SIL1: variants seen among roughly 807,000 people sequenced by gnomAD.
SIL1 encodes SIL1 nucleotide exchange factor, also known as nucleotide exchange factor SIL1.
Under a neutral mutation model 49.1 loss-of-function variants are expected in SIL1, and 40 were observed. The observed-to-expected ratio is 0.81, with a 90% CI of 0.63 to 1.06. SIL1 has a LOEUF of 1.06. SIL1 is among the 50% of genes least tolerant of loss of function. The probability of loss-of-function intolerance (pLI) is 0.00; values close to 1 mark genes in which losing one functional copy is unlikely to be tolerated. For synonymous variants in SIL1, 253 were observed against 250.8 expected, an observed-to-expected ratio of 1.01 and a Z score of -0.08; for missense variants, 500 against 572.6, an observed-to-expected ratio of 0.87 and a Z score of 1.29.
intron 1 of SIL1, among the ~76,000 whole-genome samples, chr5:139,153,673 T>C (rs768443481): frequency 6.6e-6 from 1 of 152,156 alleles, no homozygotes; most frequent in Non-Finnish European, 1.5e-5. Flanking sequence ...TGTTGCAGCA[T>C]TTGCTATCTG....
chr5:138,972,361 G>A (rs1412212964), intron 7 of SIL1, among the ~76,000 whole-genome samples: 1 of 152,198 alleles, frequency 6.6e-6, no homozygotes, highest in Non-Finnish European at 1.5e-5. Context: ...AGCCATGCCT[G>A]GTACTCACAG....
intron 1 of SIL1, among the ~76,000 whole-genome samples, chr5:139,193,730 G>A (rs577963498): frequency 6.6e-6 from 1 of 152,258 alleles, no homozygotes; most frequent in Non-Finnish European, 1.5e-5. Flanking sequence ...TCATGGGTAG[G>A]GTAACTAACT....
At chr5:139,160,921 T>TAAAAAGCA (rs1223122915) in intron 1 of SIL1, among the ~76,000 whole-genome samples, 3 of 152,020 alleles carry the variant, frequency 2.0e-5, no homozygotes, top group Non-Finnish European at 4.4e-5. Context: ...GGATAGGGGA[T>TAAAAAGCA]AGTCAGTAAC....
intron 9 of SIL1, among the ~76,000 whole-genome samples, chr5:138,950,181 C>A (rs1442162618): frequency 6.6e-6 from 1 of 152,220 alleles, no homozygotes; most frequent in Non-Finnish European, 1.5e-5. Flanking sequence ...GCCCAGTTTC[C>A]CTGGGAAATG....
chr5:139,086,812 T>C (rs571330771), intron 3 of SIL1, among the ~76,000 whole-genome samples: 151 of 151,626 alleles, frequency 1.0e-3, no homozygotes, highest in Admixed American at 1.9e-3. Context: ...ATACAAAAAT[T>C]AGCTGGGCCT....
intron 1 of SIL1, among the ~76,000 whole-genome samples, chr5:139,159,587 C>G (rs541682080): frequency 1.3e-5 from 2 of 152,168 alleles, no homozygotes; most frequent in Admixed American, 6.5e-5. Context: ...CTAATTGTAC[C>G]TCTTTCAAAG....
chr5:138,957,718 A>C (rs1401445288), intron 7 of SIL1, among the ~76,000 whole-genome samples: 1 of 152,144 alleles, frequency 6.6e-6, no homozygotes, highest in Non-Finnish European at 1.5e-5. Flanking sequence ...TTCTTTTTTA[A>C]AATATTTGAG....
At chr5:139,003,460 C>G (rs975565133) in intron 7 of SIL1, among the ~76,000 whole-genome samples, 2 of 152,186 alleles carry the variant, frequency 1.3e-5, no homozygotes, top group Non-Finnish European at 2.9e-5. Flanking sequence ...AGACTCCCAC[C>G]TTTCACACCA....
intron 3 of SIL1, among the ~76,000 whole-genome samples, chr5:139,109,804 C>T (rs1429384610): frequency 6.7e-6 from 1 of 148,744 alleles, no homozygotes; most frequent in Non-Finnish European, 1.5e-5. Flanking sequence ...TTTGGTAAAC[C>T]CCTTCCATTC....
At chr5:139,129,384 A>G (rs1450735219) in intron 1 of SIL1, among the ~76,000 whole-genome samples, 1 of 152,146 alleles carries the variant, frequency 6.6e-6, no homozygotes, top group Non-Finnish European at 1.5e-5. Flanking sequence ...GATATCCACA[A>G]GTGTAAGAGT....
chr5:138,951,122 A>G, intron 9 of SIL1, 49 bp downstream of exon 9: 1 of 1,590,368 alleles, frequency 6.3e-7, no homozygotes, highest in Non-Finnish European at 8.6e-7. Context: ...TCCACCCAGA[A>G]GCACACACAA....
At chr5:139,169,817 T>TCCCTCTC (rs200374271) in intron 1 of SIL1, among the ~76,000 whole-genome samples, 5 of 123,464 alleles carry the variant, frequency 4.0e-5, no homozygotes, top group Admixed American at 8.1e-5. Context: ...AAAGCTCTAC[T>TCCCTCTC]CCCTCTCCCC....
rs764919628 is a variant in SIL1, at chr5:139,042,638, C to G, written c.435G>C (p.Glu145Asp). The change falls in exon 5 of 10, where the codon GAG (glutamate) becomes GAC (aspartate). Residue 145 changes from glutamate to aspartate, a missense_variant. By Grantham distance (45) the Glu-to-Asp change is conservative. Coordinates refer to ENST00000394817, the MANE Select transcript of SIL1 (RefSeq NM_022464.5). Reference protein sequence around the residue: ...LAKFKEGAEMESSKEDKARQA... With the variant: ...LAKFKEGAEMDSSKEDKARQA... ...CACACACCTTGTCTTCCTTTGAACT[C>G]TCCATCTCTGCCCCCTCCTTGAATT... 26 of 1,614,066 alleles carry G rather than the reference C, an allele frequency of 1.6e-5. No individual in the cohort carries two copies. The highest frequency in any genetic ancestry group is 2.0e-5 in the Non-Finnish European group (24 of 1,180,034).
intron 3 of SIL1, among the ~76,000 whole-genome samples, chr5:139,104,197 G>A (rs1457586984): frequency 1.3e-5 from 2 of 152,198 alleles, no homozygotes; most frequent in South Asian, 2.1e-4. Flanking sequence ...ACGGCAGCAC[G>A]TGGCTCAGAG....
chr5:139,148,766 C>T (rs1751239850), intron 1 of SIL1, among the ~76,000 whole-genome samples: 1 of 152,232 alleles, frequency 6.6e-6, no homozygotes, highest in Admixed American at 6.5e-5. Flanking sequence ...AGTTTCCTTA[C>T]AGAACTACCA....
At chr5:138,963,106 A>G (rs923416789) in intron 7 of SIL1, among the ~76,000 whole-genome samples, 13 of 152,214 alleles carry the variant, frequency 8.5e-5, no homozygotes, top group African/African-American at 3.1e-4. Context: ...TAGGTCTTCT[A>G]TACTCAGTTG....
intron 2 of SIL1, among the ~76,000 whole-genome samples, chr5:139,126,192 G>C (rs1008378345): frequency 2.0e-5 from 3 of 152,228 alleles, no homozygotes; most frequent in Non-Finnish European, 4.4e-5. Flanking sequence ...CATGATGAAA[G>C]ATTATGACAA....
At chr5:139,197,436 C>T (rs932296498) in intron 1 of SIL1, among the ~76,000 whole-genome samples, 1 of 152,154 alleles carries the variant, frequency 6.6e-6, no homozygotes, top group Non-Finnish European at 1.5e-5. Context: ...GGAAAGCCAA[C>T]TGAACTTTAA....
intron 3 of SIL1, among the ~76,000 whole-genome samples, chr5:139,100,216 A>G (rs1770556488): frequency 6.6e-6 from 1 of 152,176 alleles, no homozygotes; most frequent in African/African-American, 2.4e-5. Flanking sequence ...CTTCATATCA[A>G]TCCAGCTTTG....
Sources: gnomAD v4.1 joint callset for allele counts (sites outside exome capture counted in the v4.1 genomes callset) on GRCh38, gnomAD v4.1.1 for gene constraint, MANE v1.5 for transcripts, NCBI Gene and HGNC (gene_info 2026-07-23, HGNC 2026-07-21) for gene names.